FBXL7: variants seen among roughly 807,000 people sequenced by gnomAD.
FBXL7 encodes the protein F-box and leucine rich repeat protein 7, also known as F-box/LRR-repeat protein 7.
In FBXL7, 12 loss-of-function variants were observed where a neutral mutation model predicts 38.3. That is an observed-to-expected ratio of 0.31 (90% CI 0.20 to 0.51). The LOEUF (loss-of-function observed/expected upper bound fraction) is 0.51, where lower values mean the gene tolerates loss of function less well. FBXL7 is among the 20% of genes least tolerant of loss of function. The pLI is 0.98. For missense variants in FBXL7, 567 were observed against 676.4 expected (o/e 0.84, Z 1.79); for synonymous variants, 297 against 300.9 (o/e 0.99, Z 0.13).
At chr5:15,548,872 G>A (rs999128106) in intron 1 of FBXL7, among the ~76,000 whole-genome samples, 4 of 152,206 alleles carry the variant, frequency 2.6e-5, no homozygotes, top group Non-Finnish European at 5.9e-5. Flanking sequence ...AACAGGATAG[G>A]GGAACAACTG....
chr5:15,864,279 A>G (rs1030634027), intron 2 of FBXL7, among the ~76,000 whole-genome samples: 5 of 151,998 alleles, frequency 3.3e-5, no homozygotes, highest in Non-Finnish European at 7.4e-5. Context: ...GTATTCCTTT[A>G]TAGCAACCCA....
intron 2 of FBXL7, among the ~76,000 whole-genome samples, chr5:15,922,574 T>C (rs896422251): frequency 1.3e-5 from 2 of 152,140 alleles, no homozygotes; most frequent in African/African-American, 4.8e-5. Context: ...CTTCTCAGAA[T>C]TTAAGGACAC....
At chr5:15,691,532 T>A (rs1164921522) in intron 2 of FBXL7, among the ~76,000 whole-genome samples, 1 of 152,220 alleles carries the variant, frequency 6.6e-6, no homozygotes, top group African/African-American at 2.4e-5. Context: ...CCTGTTGCTT[T>A]GGAGGTTACT....
intron 2 of FBXL7, among the ~76,000 whole-genome samples, chr5:15,649,512 A>G (rs924497816): frequency 6.6e-6 from 1 of 152,300 alleles, no homozygotes. Context: ...TCCGCAGAGA[A>G]GGGAACAAAA....
At chr5:15,680,917 A>T (rs1249592334) in intron 2 of FBXL7, among the ~76,000 whole-genome samples, 1 of 152,214 alleles carries the variant, frequency 6.6e-6, no homozygotes, top group Non-Finnish European at 1.5e-5. Flanking sequence ...TGGAGACACT[A>T]CTTCAATGCT....
At chr5:15,707,173 C>CTTTTTTTTTTTTT (rs1743708795) in intron 2 of FBXL7, among the ~76,000 whole-genome samples, 4 of 39,170 alleles carry the variant, frequency 1.0e-4, no homozygotes, top group Non-Finnish European at 1.6e-4. Flanking sequence ...TTTTTCTTTT[C>CTTTTTTTTTTTTT]GTTTTTTTTT....
At chr5:15,627,685 C>T (rs1485791353) in intron 2 of FBXL7, among the ~76,000 whole-genome samples, 1 of 152,160 alleles carries the variant, frequency 6.6e-6, no homozygotes, top group African/African-American at 2.4e-5. Flanking sequence ...ACTAAAGCAC[C>T]ATCTTCTCAA....
rs1561187528 is a variant in FBXL7, at chr5:15,917,649, GGAAGGAAGGAAGGAAGGAAGGAA to G, written c.128-10239_128-10217del. Among the ~76,000 whole-genome samples the G allele has an allele frequency of 1.9e-3, 248 of 127,896 alleles. 3 individuals are homozygous for G. The highest frequency in any genetic ancestry group is 6.7e-3 in the African/African-American group (190 of 28,244). 83.9% of individuals were successfully genotyped at this position (127,896 alleles called of 152,430 possible). A position where few individuals can be genotyped will look rare whatever the true frequency, so the allele number is the denominator to read the frequency against. ...AAAGAAAGTAAAGGAAGGGAGGGAAGGAAGGAAGGAAGGAAGGAAGGAAGGAAGGAAGGAAGGAAGGAAGGAAG... is the reference window on the plus strand; with the variant it reads ...AAAGAAAGTAAAGGAAGGGAGGGAAGGGAAGGAAGGAAGGAAGGAAGGAAG... On this transcript the variant is annotated intron_variant, in intron 2 of 3. Transcript: ENST00000504595.
chr5:15,655,333 T>C (rs1741839110), intron 2 of FBXL7, among the ~76,000 whole-genome samples: 1 of 151,950 alleles, frequency 6.6e-6, no homozygotes, highest in Admixed American at 6.6e-5. Flanking sequence ...CTGTGTCTAC[T>C]AAAAATACAA....
At chr5:15,501,510 G>T in intron 1 of FBXL7, 1 of 985,568 alleles carries the variant, frequency 1.0e-6, no homozygotes, top group Non-Finnish European at 1.2e-6. Context: ...TTTTTCTGCA[G>T]TTCAAAAGTT....
chr5:15,791,076 G>T lies in FBXL7; in HGVS notation c.128-136814G>T, dbSNP rs896457207. ...AGGTCAGTGAGTTGTGTAAAAGGGG[G>T]GGGGGGGTTATTGCATGTATCTAAG... On this transcript the variant is annotated intron_variant, in intron 2 of 3. Transcript: ENST00000504595. Among the ~76,000 whole-genome samples the T allele has an allele frequency of 5.4e-5, 8 of 149,090 alleles. 1 individual carries two copies. The highest frequency in any genetic ancestry group is 2.0e-4 in the East Asian group (1 of 4,890).
intron 2 of FBXL7, among the ~76,000 whole-genome samples, chr5:15,697,143 G>C (rs1462703194): frequency 6.6e-6 from 1 of 152,134 alleles, no homozygotes; most frequent in African/African-American, 2.4e-5. Context: ...CAAGGTTTTT[G>C]TACATGTAAG....
At chr5:15,905,088 T>G (rs1741324032) in intron 2 of FBXL7, among the ~76,000 whole-genome samples, 1 of 152,210 alleles carries the variant, frequency 6.6e-6, no homozygotes, top group Non-Finnish European at 1.5e-5. Context: ...GCTCTGTTAT[T>G]TCACAAGACT....
chr5:15,608,224 G>A lies in FBXL7; in HGVS notation c.38-7759G>A, dbSNP rs532348050. 1.2e-4 allele frequency among the ~76,000 whole-genome samples: 18 copies of A among 152,256 alleles called. No individual in the cohort carries two copies. In the Middle Eastern group the frequency reaches 0.01, roughly 86 times the overall value. On this transcript the variant is annotated intron_variant, in intron 1 of 3. Transcript: ENST00000504595. Reference sequence around the variant, plus strand: ...CATAGTGTGGGTTCTCACAGGCATTGGTCATGGTTTCATGCTTTACCTGCC... The same window carrying A: ...CATAGTGTGGGTTCTCACAGGCATTAGTCATGGTTTCATGCTTTACCTGCC...
intron 1 of FBXL7, among the ~76,000 whole-genome samples, chr5:15,606,454 C>T (rs1740023584): frequency 6.6e-6 from 1 of 152,256 alleles, no homozygotes; most frequent in Admixed American, 6.5e-5. Flanking sequence ...AAGAATTCAT[C>T]TGTGGACTGC....
chr5:15,804,978 A>T (rs1004597561), intron 2 of FBXL7, among the ~76,000 whole-genome samples: 6 of 148,834 alleles, frequency 4.0e-5, no homozygotes, highest in Non-Finnish European at 7.5e-5. Flanking sequence ...CAAGATCAAG[A>T]TGTCAGCAGG....
At chr5:15,892,249 G>A (rs1740933724) in intron 2 of FBXL7, among the ~76,000 whole-genome samples, 2 of 152,216 alleles carry the variant, frequency 1.3e-5, no homozygotes, top group African/African-American at 4.8e-5. Context: ...GAACAGCAAG[G>A]GGGTCCCTGT....
intron 2 of FBXL7, among the ~76,000 whole-genome samples, chr5:15,889,575 T>A (rs1448220321): frequency 6.6e-6 from 1 of 152,152 alleles, no homozygotes; most frequent in Non-Finnish European, 1.5e-5. Flanking sequence ...AATCAGCAGT[T>A]CACCAACTCT....
chr5:15,594,859 C>T (rs1739580383), intron 1 of FBXL7, among the ~76,000 whole-genome samples: 1 of 152,234 alleles, frequency 6.6e-6, no homozygotes, highest in Admixed American at 6.5e-5. Flanking sequence ...CTCTGATTCT[C>T]TGTGTGTCCA....
Sources: allele counts gnomAD v4.1 joint callset (sites outside exome capture counted in the v4.1 genomes callset), GRCh38; gene constraint gnomAD v4.1.1; transcripts MANE v1.5; gene names NCBI Gene and HGNC (gene_info 2026-07-23, HGNC 2026-07-21).